Variants in SGCZ observed in about 807,000 individuals in gnomAD.
SGCZ encodes the protein zeta-sarcoglycan.
In SGCZ, 40 loss-of-function variants were observed where a neutral mutation model predicts 41.3. That is an observed-to-expected ratio of 0.97 (90% confidence interval 0.75 to 1.26). The LOEUF is 1.26. SGCZ is among the 50% of genes most tolerant of loss of function. The pLI is 0.00. For synonymous variants in SGCZ, 206 were observed against 137.5 expected (o/e 1.50, Z -3.49); for missense variants, 552 against 369.8 (o/e 1.49, Z -4.04).
intron 3 of SGCZ, among the ~76,000 whole-genome samples, chr8:14,245,835 C>G (rs1243188343): frequency 6.6e-6 from 1 of 152,116 alleles, no homozygotes; most frequent in Non-Finnish European, 1.5e-5. Flanking sequence ...AGCCAAAAGA[C>G]ACATGAAAAA....
At chr8:14,464,516 G>C (rs1428378855) in intron 2 of SGCZ, among the ~76,000 whole-genome samples, 1 of 143,054 alleles carries the variant, frequency 7.0e-6, no homozygotes, top group African/African-American at 2.6e-5. Flanking sequence ...TCATCTAGCT[G>C]TTTGCCAGTT....
chr8:14,304,127 A>G (rs1801278579), intron 3 of SGCZ, among the ~76,000 whole-genome samples: 1 of 152,100 alleles, frequency 6.6e-6, no homozygotes, highest in Admixed American at 6.6e-5. Flanking sequence ...CCTATAAGGG[A>G]TTCAGCATTC....
At position 14,866,663 on chromosome 8, in the gene SGCZ, A is replaced by G. The variant is rs542340522; in HGVS notation, c.40-311737T>C. Among the ~76,000 whole-genome samples the G allele has an allele frequency of 3.9e-5, 6 of 152,138 alleles. 1 individual carries two copies. The South Asian group carries it at 1.2e-3, about 32-fold the overall frequency. On this transcript the variant is annotated intron_variant, in intron 1 of 7. Transcript: ENST00000382080. ...CGCCTCTACAAAAATACAAAGAATG[A>G]GCTGGGCATGATGGTGCATGCTTCT...
intron 1 of SGCZ, among the ~76,000 whole-genome samples, chr8:14,979,425 T>C (rs1801589763): frequency 6.6e-6 from 1 of 152,156 alleles, no homozygotes; most frequent in South Asian, 2.1e-4. Context: ...TTAAAGAATC[T>C]ACAAGGATGG....
Position 14,809,095 on chromosome 8 carries a change from G to C in SGCZ, c.40-254169C>G, listed in dbSNP as rs556929885. On this transcript the variant is annotated intron_variant, in intron 1 of 7. Coordinates refer to ENST00000382080, the MANE Select transcript of SGCZ (RefSeq NM_139167.4). ...GGGACTGTTGTGGGGTGGGTGGAGG[G>C]GGGAGGGATAGCATTGGGAGATATA... is the stretch of plus-strand genomic sequence containing the variant. Among the ~76,000 whole-genome samples the C allele has an allele frequency of 2.7e-4, 40 of 145,646 alleles. 1 individual carries two copies. Among genetic ancestry groups the C allele is most frequent in the African/African-American group, 1.0e-3 (38 of 37,580 alleles).
intron 2 of SGCZ, among the ~76,000 whole-genome samples, chr8:14,381,943 T>A (rs1804382019): frequency 6.6e-6 from 1 of 152,232 alleles, no homozygotes; most frequent in African/African-American, 2.4e-5. Flanking sequence ...TTCACCAGCC[T>A]TCTCAGCTTA....
chr8:14,591,106 A>AATG (rs748363295), intron 1 of SGCZ, among the ~76,000 whole-genome samples: 45 of 151,774 alleles, frequency 3.0e-4, no homozygotes, highest in Non-Finnish European at 4.7e-4. Context: ...AGAGTCATCT[A>AATG]ATAAATCTTA....
intron 4 of SGCZ, among the ~76,000 whole-genome samples, chr8:14,194,301 G>A (rs1372085416): frequency 6.6e-6 from 1 of 151,756 alleles, no homozygotes; most frequent in Non-Finnish European, 1.5e-5. Context: ...GTTTATTCTG[G>A]GTATTTTTTG....
chr8:15,008,025 G>A (rs1306408028), intron 1 of SGCZ, among the ~76,000 whole-genome samples: 1 of 151,962 alleles, frequency 6.6e-6, no homozygotes, highest in African/African-American at 2.4e-5. Flanking sequence ...TTGATAAATT[G>A]TTGTCTTTTT....
intron 1 of SGCZ, among the ~76,000 whole-genome samples, chr8:14,586,121 T>C (rs1343630759): frequency 6.6e-6 from 1 of 152,200 alleles, no homozygotes; most frequent in African/African-American, 2.4e-5. Context: ...TAATTCTACT[T>C]CATAATCATC....
intron 3 of SGCZ, among the ~76,000 whole-genome samples, chr8:14,305,211 A>G (rs955580637): frequency 2.2e-4 from 33 of 152,200 alleles, no homozygotes; most frequent in African/African-American, 8.0e-4. Flanking sequence ...ATCTACCAAT[A>G]TAACTATCAT....
At chr8:15,119,751 T>C (rs1378031) in intron 1 of SGCZ, among the ~76,000 whole-genome samples, 149,628 of 152,188 alleles carry the variant, frequency 0.98, 73,604 homozygotes, top group East Asian at 1. Flanking sequence ...TCCTTCACTC[T>C]CCCATCACTA....
Position 14,504,175 on chromosome 8 carries a change from T to C in SGCZ, c.234+50557A>G, listed in dbSNP as rs1420682070. On this transcript the variant is annotated intron_variant, in intron 2 of 7. Transcript: ENST00000382080. ...TGTGTTGATACAACTGAGATCTATA[T>C]CTGCTACAAGAGGAAAATTCAATTT... Among the ~76,000 whole-genome samples the C allele has an allele frequency of 3.5e-4, 54 of 152,238 alleles. 1 individual carries two copies. Among genetic ancestry groups the C allele is most frequent in the Non-Finnish European group, 1.5e-5 (1 of 68,040 alleles).
chr8:14,745,050 C>T (rs75136268), intron 1 of SGCZ, among the ~76,000 whole-genome samples: 3,899 of 152,234 alleles, frequency 0.026, 164 homozygotes, highest in African/African-American at 0.088. Flanking sequence ...CTCTGTATAA[C>T]GTAAATGTAT....
At chr8:14,888,004 G>A (rs1452878307) in intron 1 of SGCZ, among the ~76,000 whole-genome samples, 2 of 152,136 alleles carry the variant, frequency 1.3e-5, no homozygotes, top group South Asian at 2.1e-4. Flanking sequence ...TATTTGAGGT[G>A]ATAGATGTGT....
At chr8:14,872,761 T>G (rs558774911) in intron 1 of SGCZ, among the ~76,000 whole-genome samples, 2 of 152,286 alleles carry the variant, frequency 1.3e-5, no homozygotes, top group Non-Finnish European at 2.9e-5. Flanking sequence ...GATACTCTAT[T>G]GAGTTAATTG....
chr8:14,400,239 C>T (rs1358022617), intron 2 of SGCZ, among the ~76,000 whole-genome samples: 2 of 151,998 alleles, frequency 1.3e-5, no homozygotes, highest in Non-Finnish European at 2.9e-5. Flanking sequence ...ATTTATATAG[C>T]AGATTTTATT....
At chr8:14,655,968 G>A (rs972575278) in intron 1 of SGCZ, among the ~76,000 whole-genome samples, 1 of 151,976 alleles carries the variant, frequency 6.6e-6, no homozygotes, top group Admixed American at 6.6e-5. Context: ...CCCATCCATC[G>A]TCTGGATGTA....
At chr8:14,644,319 T>C (rs1807129582) in intron 1 of SGCZ, among the ~76,000 whole-genome samples, 1 of 151,754 alleles carries the variant, frequency 6.6e-6, no homozygotes, top group South Asian at 2.1e-4. Flanking sequence ...TGCTGAGGTT[T>C]CCCAGGAAAG....
Sources: allele counts gnomAD v4.1 joint callset (sites outside exome capture counted in the v4.1 genomes callset), GRCh38; gene constraint gnomAD v4.1.1; transcripts MANE v1.5; gene names NCBI Gene and HGNC (gene_info 2026-07-23, HGNC 2026-07-21).